CTTNBP2: variants seen among roughly 807,000 people sequenced by gnomAD.
CTTNBP2 encodes cortactin binding protein 2, also known as cortactin-binding protein 2.
CTTNBP2 carries 108 observed loss-of-function variants against 156.9 expected under a neutral mutation model. That is an observed-to-expected ratio of 0.69 (90% confidence interval 0.59 to 0.81). The LOEUF (loss-of-function observed/expected upper bound fraction) is 0.81, where lower values mean the gene tolerates loss of function less well. Ranked by LOEUF, CTTNBP2 falls within the 30% of genes least tolerant of loss-of-function variation. CTTNBP2 has a pLI of 0.00. For missense variants in CTTNBP2, 1,924 were observed against 2,035.4 expected (o/e 0.95, Z 1.05); for synonymous variants, 767 against 751.8 (o/e 1.02, Z -0.33).
intron 12 of CTTNBP2, among the ~76,000 whole-genome samples, chr7:117,752,719 A>G (rs34292695): frequency 0.1 from 15,281 of 152,214 alleles, 1,147 homozygotes; most frequent in African/African-American, 0.21. Flanking sequence ...AGGCTAATAA[A>G]CTATGATTAC....
intron 7 of CTTNBP2, among the ~76,000 whole-genome samples, chr7:117,778,827 T>C (rs1276272738): frequency 6.6e-6 from 1 of 152,220 alleles, no homozygotes; most frequent in Non-Finnish European, 1.5e-5. Flanking sequence ...ATTTTGGCTT[T>C]ATTTTTCTAC....
intron 1 of CTTNBP2, among the ~76,000 whole-genome samples, chr7:117,867,975 G>T (rs1272427271): frequency 6.6e-6 from 1 of 152,178 alleles, no homozygotes; most frequent in Non-Finnish European, 1.5e-5. Context: ...AAGAATGGCA[G>T]AAAAGTGGCT....
chr7:117,816,276 AG>A (rs1465834105), intron 2 of CTTNBP2, among the ~76,000 whole-genome samples: 6 of 152,232 alleles, frequency 3.9e-5, no homozygotes, highest in African/African-American at 1.4e-4. Flanking sequence ...GGAGAACTAC[AG>A]GGTATATCAG....
intron 22 of CTTNBP2, among the ~76,000 whole-genome samples, chr7:117,715,475 T>TAAAAAAA (rs398048025): frequency 0.18 from 20,672 of 115,088 alleles, 2,206 homozygotes; most frequent in African/African-American, 0.3. Context: ...GCCCTGAAGT[T>TAAAAAAA]AAAAAAAAAA....
At chr7:117,712,125 C>G (rs552952139) in intron 22 of CTTNBP2, among the ~76,000 whole-genome samples, 17 of 152,312 alleles carry the variant, frequency 1.1e-4, no homozygotes, top group African/African-American at 3.8e-4. Context: ...GCTCTACAAA[C>G]TATGTCACCT....
intron 1 of CTTNBP2, among the ~76,000 whole-genome samples, chr7:117,865,882 T>C (rs1804158797): frequency 6.7e-6 from 1 of 148,902 alleles, no homozygotes; most frequent in Non-Finnish European, 1.5e-5. Context: ...TATATTAATT[T>C]ATTGTATGTT....
chr7:117,711,938 A>C (rs1388365871), intron 22 of CTTNBP2, among the ~76,000 whole-genome samples, 156 bp from the exon 23 acceptor site: 1 of 152,224 alleles, frequency 6.6e-6, no homozygotes, highest in Non-Finnish European at 1.5e-5. Context: ...AAGCTGAGTA[A>C]TTAATTTCCT....
At chr7:117,819,099 CCAAA>C (rs1027642086) in intron 2 of CTTNBP2, among the ~76,000 whole-genome samples, 1 of 152,062 alleles carries the variant, frequency 6.6e-6, no homozygotes, top group African/African-American at 2.4e-5. Flanking sequence ...AGAGATTTTT[CCAAA>C]CAGTCAACAT....
chr7:117,827,853 T>C (rs577446416), intron 2 of CTTNBP2, among the ~76,000 whole-genome samples: 99 of 152,326 alleles, frequency 6.5e-4, no homozygotes, highest in African/African-American at 2.3e-3. Flanking sequence ...GTCCCTTTTA[T>C]AGCTCCAAGA....
At chr7:117,767,022 G>A (rs1562986276) in intron 9 of CTTNBP2, 37 bp downstream of exon 9, 3 of 1,135,864 alleles carry the variant, frequency 2.6e-6, no homozygotes, top group Non-Finnish European at 4.0e-6. Flanking sequence ...CAGCAGCATA[G>A]GGGAAAGATA....
At chr7:117,817,361 A>ATAAATAAATATATAT (rs1298639361) in intron 2 of CTTNBP2, among the ~76,000 whole-genome samples, 29 of 53,312 alleles carry the variant, frequency 5.4e-4, no homozygotes, top group Non-Finnish European at 9.2e-4. Flanking sequence ...AAAAAAAAAA[A>ATAAATAAATATATAT]ATATATATAT....
rs1263511157 is a variant in CTTNBP2, at chr7:117,873,265, G to T, written c.81+70C>A. ...CCCCGGGGGTGCGAAGTCGGGTCCG[G>T]CTGGGACCCCGGCGCCGCCCCCGGC... On this transcript the variant is annotated intron_variant, in intron 1 of 22. Coordinates refer to ENST00000160373, the MANE Select transcript of CTTNBP2 (RefSeq NM_033427.3). The T allele has an allele frequency of 4.2e-6, 5 of 1,192,084 alleles. No homozygotes were observed. In the African/African-American group the frequency reaches 8.0e-5, roughly 19 times the overall value. The allele number at this position is 1,192,084 out of a possible 1,614,324, so 73.8% of individuals were successfully genotyped here.
At chr7:117,854,627 G>A (rs1238971302) in intron 2 of CTTNBP2, among the ~76,000 whole-genome samples, 1 of 152,012 alleles carries the variant, frequency 6.6e-6, no homozygotes, top group Non-Finnish European at 1.5e-5. Context: ...AATACATTTT[G>A]AAAGGGCCCT....
At chr7:117,765,383 C>A in intron 9 of CTTNBP2, among the ~76,000 whole-genome samples, 1 of 152,210 alleles carries the variant, frequency 6.6e-6, no homozygotes, top group Non-Finnish European at 1.5e-5. Context: ...AAATGATCCA[C>A]TCTTTTGCAC....
At chr7:117,854,983 C>CT (rs1803195569) in intron 2 of CTTNBP2, among the ~76,000 whole-genome samples, 1 of 152,118 alleles carries the variant, frequency 6.6e-6, no homozygotes, top group African/African-American at 2.4e-5. Context: ...TAGGGTTTCA[C>CT]CATGTTGGCC....
intron 2 of CTTNBP2, among the ~76,000 whole-genome samples, chr7:117,813,861 T>C (rs1800425898): frequency 1.3e-5 from 2 of 152,342 alleles, no homozygotes; most frequent in African/African-American, 4.8e-5. Context: ...CTCCAAAAAC[T>C]ACATTATTTT....
intron 14 of CTTNBP2, among the ~76,000 whole-genome samples, chr7:117,742,524 CA>C (rs1232237278): frequency 6.6e-6 from 1 of 152,096 alleles, no homozygotes; most frequent in Non-Finnish European, 1.5e-5. Context: ...GGATTTTAAT[CA>C]GAGGTCTGCT....
chr7:117,871,871 C>G, intron 1 of CTTNBP2: 4 of 923,578 alleles, frequency 4.3e-6, no homozygotes, highest in Non-Finnish European at 5.1e-6. Context: ...CACACACACA[C>G]ACACCCTCTT....
At chr7:117,724,400 A>T in intron 19 of CTTNBP2, 147 bp downstream of exon 19, 1 of 674,690 alleles carries the variant, frequency 1.5e-6, no homozygotes, top group Non-Finnish European at 2.4e-6. Flanking sequence ...CCTACTATAT[A>T]GTTTATTCCA....
Sources: gnomAD v4.1 joint callset for allele counts (sites outside exome capture counted in the v4.1 genomes callset) on GRCh38, gnomAD v4.1.1 for gene constraint, MANE v1.5 for transcripts, NCBI Gene and HGNC (gene_info 2026-07-23, HGNC 2026-07-21) for gene names.